The following ADGRF3 variants were observed in gnomAD, a reference collection of about 807,000 sequenced individuals.
The protein encoded by ADGRF3 is adhesion G protein-coupled receptor F3.
ADGRF3 carries 85 observed loss-of-function variants against 93.2 expected under a neutral mutation model. That is an observed-to-expected ratio of 0.91 (90% confidence interval 0.77 to 1.09). The LOEUF (loss-of-function observed/expected upper bound fraction) is 1.09, where lower values mean the gene tolerates loss of function less well. Ranked by LOEUF, ADGRF3 falls within the 50% of genes least tolerant of loss-of-function variation. The pLI, the probability that ADGRF3 is intolerant of heterozygous loss-of-function variation, is 0.00. For missense variants in ADGRF3, 1,125 were observed against 1,246.2 expected, an observed-to-expected ratio of 0.90 and a Z score of 1.46; for synonymous variants, 534 against 532.5, an observed-to-expected ratio of 1.00 and a Z score of -0.04.
chr2:26,319,212 G>C (rs138425210), intron 1 of ADGRF3: 11 of 691,738 alleles, frequency 1.6e-5, no homozygotes, highest in Admixed American at 3.0e-5. Context: ...TGGGAATCCA[G>C]GTCACTGTGG....
At chr2:26,313,267 C>A in intron 8 of ADGRF3, 110 bp downstream of exon 8, 2 of 1,427,296 alleles carry the variant, frequency 1.4e-6, no homozygotes, top group African/African-American at 1.4e-5. Flanking sequence ...TTCAGAGAAG[C>A]TGAACAGCCT....
intron 1 of ADGRF3, among the ~76,000 whole-genome samples, chr2:26,327,535 A>G (rs1675498173): frequency 6.7e-6 from 1 of 149,858 alleles, no homozygotes. Flanking sequence ...ATAACAGAAT[A>G]CCACAGACTG....
At chr2:26,310,653 T>G in intron 10 of ADGRF3, 39 bp downstream of exon 10, 1 of 1,576,832 alleles carries the variant, frequency 6.3e-7, no homozygotes, top group Non-Finnish European at 8.6e-7. Flanking sequence ...TTAGACCATC[T>G]AAAAAAGCAA....
intron 1 of ADGRF3, among the ~76,000 whole-genome samples, chr2:26,325,524 G>A (rs779846756): frequency 9.2e-5 from 14 of 152,242 alleles, no homozygotes; most frequent in South Asian, 4.2e-4. Flanking sequence ...CTGCTTCAGC[G>A]TTTATATTAA....
intron 1 of ADGRF3, chr2:26,319,034 C>T: frequency 6.4e-7 from 1 of 1,551,284 alleles, no homozygotes; most frequent in Non-Finnish European, 8.7e-7. Flanking sequence ...AGCAGTGGGG[C>T]AGCCGAACAG....
chr2:26,320,263 G>T (rs998999214), intron 1 of ADGRF3, among the ~76,000 whole-genome samples: 1 of 152,212 alleles, frequency 6.6e-6, no homozygotes, highest in Non-Finnish European at 1.5e-5. Context: ...TTGGGAGGCC[G>T]AGGTGAGTGG....
intron 5 of ADGRF3, 126 bp from the exon 6 acceptor site, chr2:26,314,749 C>T: frequency 1.2e-6 from 1 of 811,618 alleles, no homozygotes; most frequent in South Asian, 1.7e-5. Context: ...TTAACCCCAG[C>T]AAGCAAGGTC....
chr2:26,342,693 C>G (rs115865903), intron 1 of ADGRF3, among the ~76,000 whole-genome samples: 3,567 of 152,210 alleles, frequency 0.023, 56 homozygotes, highest in East Asian at 0.045. Context: ...ACATGGGAAA[C>G]AAAGCAATAA....
At chr2:26,335,050 A>G (rs553242163) in intron 1 of ADGRF3, among the ~76,000 whole-genome samples, 1 of 152,272 alleles carries the variant, frequency 6.6e-6, no homozygotes, top group South Asian at 2.1e-4. Context: ...CCCCTTTTTA[A>G]AAATTGAGAT....
At chr2:26,336,014 G>C (rs572910477) in intron 1 of ADGRF3, among the ~76,000 whole-genome samples, 1 of 152,238 alleles carries the variant, frequency 6.6e-6, no homozygotes, top group African/African-American at 2.4e-5. Context: ...CAGACTCAGA[G>C]GTATACAGAT....
intron 10 of ADGRF3, among the ~76,000 whole-genome samples, 172 bp from the exon 11 acceptor site, chr2:26,310,409 T>C (rs988179246): frequency 6.6e-6 from 1 of 152,182 alleles, no homozygotes; most frequent in Non-Finnish European, 1.5e-5. Flanking sequence ...TTGTTATGGT[T>C]ATAAAAGGGA....
chr2:26,325,350 T>C (rs957729223), intron 1 of ADGRF3, among the ~76,000 whole-genome samples: 3 of 152,238 alleles, frequency 2.0e-5, no homozygotes, highest in African/African-American at 7.2e-5. Context: ...ACATTATATA[T>C]GCCTTTATAG....
chr2:26,312,034 G>C lies in ADGRF3; in HGVS notation c.1490C>G (p.Thr497Ser), dbSNP rs1181613207. Residue 497 changes from threonine (T) to serine (S), a missense_variant, in exon 10 of 14, where the codon ACC (threonine) becomes AGC (serine). Coordinates refer to ENST00000651242, the MANE Select transcript of ADGRF3 (RefSeq NM_001321971.2). Reference sequence around the variant, plus strand: ...TTGGGCCAGGGTCCACAGAGACCTGGTGTCCATATCTAGGACCTTGTCTGT... The same window carrying C: ...TTGGGCCAGGGTCCACAGAGACCTGCTGTCCATATCTAGGACCTTGTCTGT... ...IATDKVLDMD[T>S]RSLWTLAQAR... 1.9e-6 allele frequency: 3 copies of C among 1,612,634 alleles called. No individual in the cohort carries two copies. The highest frequency in any genetic ancestry group is 2.5e-6 in the Non-Finnish European group (3 of 1,179,854).
Position 26,313,798 on chromosome 2 carries a change from G to T in ADGRF3, c.1034C>A (p.Ala345Asp), listed in dbSNP as rs886961378. The T allele has an allele frequency of 1.2e-6, 2 of 1,613,832 alleles. No individual in the cohort carries two copies. The highest frequency in any genetic ancestry group is 2.7e-5 in the African/African-American group (2 of 74,936). Reference protein sequence around the residue: ...YACDLQSLGLAPLRVPISITI... With the variant: ...YACDLQSLGLDPLRVPISITI... ...GATGGAGATGGGGACCCTGAGTGGA[G>T]CCAGGCCCAGGCTCTGCAGGTCACA... Residue 345 changes from alanine (A) to aspartate (D), a missense_variant, in exon 7 of 14, where the codon GCT becomes GAT. Coordinates refer to ENST00000651242, the MANE Select transcript of ADGRF3 (RefSeq NM_001321971.2).
Position 26,311,957 on chromosome 2 carries a change from C to A in ADGRF3, c.1567G>T (p.Ala523Ser), listed in dbSNP as rs1423434176. Residue 523 changes from alanine (A) to serine (S), a missense_variant, in exon 10 of 14, where the codon GCA becomes TCA. Ala to Ser is a moderately conservative substitution (Grantham distance 99, BLOSUM62 1). Transcript: ENST00000651242. Reference protein sequence around the residue: ...STLLLAVETLACSLCPQDHPF... With the variant: ...STLLLAVETLSCSLCPQDHPF... ...TGGTCCTGTGGGCACAGGCTGCATG[C>A]CAGGGTCTCCACAGCCAGCAGGAGA... 1 of 1,613,240 alleles carries A rather than the reference C, an allele frequency of 6.2e-7. No individual in the cohort carries two copies.
intron 1 of ADGRF3, among the ~76,000 whole-genome samples, chr2:26,329,817 G>T (rs1470071852): frequency 2.6e-5 from 4 of 151,858 alleles, no homozygotes; most frequent in Non-Finnish European, 2.9e-5. Flanking sequence ...CTTTTCTTTT[G>T]TTTTTAAAAC....
chr2:26,346,167 T>G lies in ADGRF3; in HGVS notation c.68A>C (p.His23Pro). Residue 23 changes from histidine to proline, a missense_variant, in exon 1 of 14, where the codon CAC (histidine) becomes CCC (proline). His to Pro is a moderately conservative substitution (Grantham distance 77). Coordinates refer to ENST00000651242, the MANE Select transcript of ADGRF3 (RefSeq NM_001321971.2). ...TPGYKAVTHK[H>P]HTGWARMAKT... ...TGCCATCCTTGCCCAGCCGGTGTGGTGCTTGTGTGTCACAGCCTTGTAGCC... is the reference window on the plus strand; with the variant it reads ...TGCCATCCTTGCCCAGCCGGTGTGGGGCTTGTGTGTCACAGCCTTGTAGCC... The G allele has an allele frequency of 6.2e-7, 1 of 1,611,524 alleles. No homozygotes were observed. The highest frequency in any genetic ancestry group is 1.1e-5 in the South Asian group (1 of 90,576).
At chr2:26,337,876 G>A (rs944102885) in intron 1 of ADGRF3, among the ~76,000 whole-genome samples, 4 of 151,764 alleles carry the variant, frequency 2.6e-5, no homozygotes, top group East Asian at 3.9e-4. Flanking sequence ...TACAAAAATC[G>A]GCCAGGCATG....
At chr2:26,317,305 A>C (rs1264157778) in intron 2 of ADGRF3, among the ~76,000 whole-genome samples, 191 bp downstream of exon 2, 1 of 152,138 alleles carries the variant, frequency 6.6e-6, no homozygotes, top group Non-Finnish European at 1.5e-5. Context: ...TCAAAGACAA[A>C]TGAGTTCATT....
Sources: gnomAD v4.1 joint callset for allele counts (sites outside exome capture counted in the v4.1 genomes callset) on GRCh38, gnomAD v4.1.1 for gene constraint, MANE v1.5 for transcripts, NCBI Gene and HGNC (gene_info 2026-07-23, HGNC 2026-07-21) for gene names.